The following CEP192 variants were observed in gnomAD, a reference collection of about 807,000 sequenced individuals.
CEP192 encodes centrosomal protein of 192 kDa.
In CEP192, 151 loss-of-function variants were observed where a neutral mutation model predicts 271.8. The ratio of observed to expected loss-of-function variants is 0.56; its 90% CI spans 0.49 to 0.64. The LOEUF is 0.64. CEP192 is among the 30% of genes least tolerant of loss of function. CEP192 has a pLI of 0.00. For missense variants in CEP192, 2,910 were observed against 3,020.5 expected (o/e 0.96, Z 0.86); for synonymous variants, 995 against 1,076.5 (o/e 0.92, Z 1.48).
chr18:13,061,296 C>T (rs919344088), intron 21 of CEP192, among the ~76,000 whole-genome samples: 20 of 152,340 alleles, frequency 1.3e-4, no homozygotes, highest in African/African-American at 4.3e-4. Flanking sequence ...GCACTCCAGC[C>T]TGGACAACAG....
intron 40 of CEP192, among the ~76,000 whole-genome samples, chr18:13,108,728 A>C (rs982715072): frequency 6.6e-6 from 1 of 152,188 alleles, no homozygotes; most frequent in African/African-American, 2.4e-5. Flanking sequence ...TACAGAAATT[A>C]GCTGGGCATG....
intron 44 of CEP192, among the ~76,000 whole-genome samples, chr18:13,123,407 A>G (rs2040764745): frequency 6.6e-6 from 1 of 152,234 alleles, no homozygotes; most frequent in Admixed American, 6.5e-5. Context: ...TTGTGTTATC[A>G]GTTATATCCA....
chr18:12,994,367 G>A (rs1454278424), intron 1 of CEP192, among the ~76,000 whole-genome samples: 1 of 152,006 alleles, frequency 6.6e-6, no homozygotes, highest in Non-Finnish European at 1.5e-5. Flanking sequence ...TAGACCTGTG[G>A]TAGGGGTGGG....
At chr18:13,038,040 TG>T (rs1296968551) in intron 12 of CEP192, among the ~76,000 whole-genome samples, 2 of 152,066 alleles carry the variant, frequency 1.3e-5, no homozygotes, top group Admixed American at 1.3e-4. Context: ...GGTCTCGCCA[TG>T]TTGCTCAGGC....
intron 21 of CEP192, among the ~76,000 whole-genome samples, chr18:13,059,683 T>G (rs566746374): frequency 6.0e-4 from 92 of 152,342 alleles, no homozygotes; most frequent in African/African-American, 2.2e-3. Flanking sequence ...TCACCTATTT[T>G]CTGGAAGCCA....
chr18:13,094,454 C>T (rs893115388), intron 34 of CEP192, among the ~76,000 whole-genome samples: 7 of 152,128 alleles, frequency 4.6e-5, no homozygotes, highest in African/African-American at 1.7e-4. Flanking sequence ...CAGTGTTGAT[C>T]CTTCACTGTC....
At position 13,059,151 on chromosome 18, in the gene CEP192, G is replaced by T. The variant is rs1327652592; in HGVS notation, c.4327G>T (p.Glu1443Ter). 1.2e-6 allele frequency: 2 copies of T among 1,614,044 alleles called. No homozygotes were observed. Among genetic ancestry groups the T allele is most frequent in the Admixed American group, 1.7e-5 (1 of 60,010 alleles). Residue 1443 changes from glutamate (E) to a stop codon, truncating the protein, a stop_gained, in exon 21 of 45, where the codon GAG becomes TAG. Coordinates refer to ENST00000506447, the MANE Select transcript of CEP192 (RefSeq NM_032142.4). LOFTEE classifies it high-confidence loss of function. ...CATCATAAGACCTCATGCCACAGAA[G>T]AGATAAAAGTGCTTTTTATACCATC... is the stretch of plus-strand genomic sequence containing the variant. ...KAIIRPHATEEIKVLFIPSSP... is the reference protein window; with the variant it reads ...KAIIRPHATE
At chr18:12,995,120 G>A (rs2033139010) in intron 1 of CEP192, among the ~76,000 whole-genome samples, 1 of 148,350 alleles carries the variant, frequency 6.7e-6, no homozygotes. Context: ...GGAGTACAGT[G>A]GCGCGATCTC....
intron 3 of CEP192, among the ~76,000 whole-genome samples, chr18:13,002,009 C>T (rs528153713): frequency 7.2e-5 from 11 of 152,318 alleles, no homozygotes; most frequent in South Asian, 2.1e-4. Flanking sequence ...TGAGCCACCG[C>T]GCCCGGCCAA....
chr18:13,067,169 T>C (rs1212726798), intron 21 of CEP192, among the ~76,000 whole-genome samples: 1 of 152,224 alleles, frequency 6.6e-6, no homozygotes, highest in African/African-American at 2.4e-5. Context: ...ATAATGGCTA[T>C]TTACATAGCA....
chr18:13,040,587 A>T (rs1015567129), intron 13 of CEP192, among the ~76,000 whole-genome samples: 3 of 152,130 alleles, frequency 2.0e-5, no homozygotes, highest in African/African-American at 7.2e-5. Context: ...TTTTAATTTG[A>T]ATTTCTTAGT....
At chr18:13,119,272 TATTC>T (rs1272900709) in intron 44 of CEP192, among the ~76,000 whole-genome samples, 1 of 152,214 alleles carries the variant, frequency 6.6e-6, no homozygotes, top group East Asian at 1.9e-4. Flanking sequence ...ATAACTGCAT[TATTC>T]ATTCTGCTTC....
chr18:13,065,352 G>A (rs115003972), intron 21 of CEP192, among the ~76,000 whole-genome samples: 2,206 of 152,104 alleles, frequency 0.015, 57 homozygotes, highest in African/African-American at 0.048. Context: ...GTCATTAATC[G>A]CTTCCATTAT....
At chr18:13,069,682 C>T (rs1450291642) in intron 26 of CEP192, 56 bp from the exon 27 acceptor site, 25 of 1,032,376 alleles carry the variant, frequency 2.4e-5, no homozygotes, top group African/African-American at 8.2e-5. Flanking sequence ...AGCCACTGAG[C>T]GAAAACTGCG....
chr18:13,114,103 C>A, intron 41 of CEP192, 27 bp from the exon 42 acceptor site: 1 of 1,597,780 alleles, frequency 6.3e-7, no homozygotes, highest in Non-Finnish European at 8.5e-7. Flanking sequence ...TATTTCTTCT[C>A]CGTTACCCTG....
chr18:13,017,795 T>C (rs1306416956), intron 7 of CEP192, among the ~76,000 whole-genome samples: 1 of 152,236 alleles, frequency 6.6e-6, no homozygotes, highest in African/African-American at 2.4e-5. Context: ...TGTTCACATT[T>C]ACCCAATAAT....
intron 13 of CEP192, among the ~76,000 whole-genome samples, chr18:13,039,420 C>T (rs2036082980): frequency 6.7e-6 from 1 of 149,844 alleles, no homozygotes; most frequent in Admixed American, 6.7e-5. Flanking sequence ...CACGCCACTG[C>T]ACTCCAGCCT....
intron 37 of CEP192, among the ~76,000 whole-genome samples, chr18:13,100,049 CT>C (rs1438340969): frequency 6.6e-6 from 1 of 152,118 alleles, no homozygotes; most frequent in African/African-American, 2.4e-5. Context: ...GAACAATTCT[CT>C]TGGGGAATGG....
In CEP192 at chr18:13,049,459, G is replaced by C. The variant is rs1304686958; in HGVS notation, c.2668G>C (p.Asp890His). ...KTCSIDNKLQ[D>H]VGNDEKATSI... ...ATGTTCCATTGACAACAAATTACAA[G>C]ATGTTGGTAACGATGAAAAAGCTAC... is the stretch of plus-strand genomic sequence containing the variant. The change falls in exon 16 of 45, where the codon GAT becomes CAT. Residue 890 changes from aspartate (D) to histidine (H), a missense_variant. Coordinates refer to ENST00000506447, the MANE Select transcript of CEP192 (RefSeq NM_032142.4). 6.2e-7 allele frequency: 1 copy of C among 1,613,966 alleles called. No individual in the cohort carries two copies. The highest frequency in any genetic ancestry group is 1.3e-5 in the African/African-American group (1 of 74,912).
Sources: allele counts gnomAD v4.1 joint callset (sites outside exome capture counted in the v4.1 genomes callset), GRCh38; gene constraint gnomAD v4.1.1; transcripts MANE v1.5; gene names NCBI Gene and HGNC (gene_info 2026-07-23, HGNC 2026-07-21).